The following FREM2 variants were observed in gnomAD, a reference collection of about 807,000 sequenced individuals.
The protein encoded by FREM2 is FRAS1 related extracellular matrix 2.
Under a neutral mutation model 219.9 loss-of-function variants are expected in FREM2, and 119 were observed. That is an observed-to-expected ratio of 0.54 (90% CI 0.47 to 0.63). The LOEUF is 0.63. Among genes scored for constraint, FREM2 ranks in the 30% least tolerant of loss-of-function variants. FREM2 has a pLI of 0.00. For synonymous variants in FREM2, 1,562 were observed against 1,522.8 expected (o/e 1.03, Z -0.60); for missense variants, 4,030 against 3,993.6 (o/e 1.01, Z -0.25).
intron 2 of FREM2, among the ~76,000 whole-genome samples, chr13:38,731,293 T>TA (rs1200167847): frequency 1.3e-5 from 2 of 152,196 alleles, no homozygotes; most frequent in Non-Finnish European, 2.9e-5. Flanking sequence ...GACAAAAACA[T>TA]ACAAAGTAAA....
At chr13:38,835,068 T>G (rs2137892811) in intron 6 of FREM2, among the ~76,000 whole-genome samples, 1 of 152,334 alleles carries the variant, frequency 6.6e-6, no homozygotes, top group African/African-American at 2.4e-5. Context: ...CCCCTAGGGT[T>G]TTTATGTCAT....
At chr13:38,880,031 G>T (rs1214188885) in intron 23 of FREM2, among the ~76,000 whole-genome samples, 1 of 152,090 alleles carries the variant, frequency 6.6e-6, no homozygotes, top group Non-Finnish European at 1.5e-5. Flanking sequence ...TCTATTAATA[G>T]TTCTTTAGAA....
intron 6 of FREM2, among the ~76,000 whole-genome samples, chr13:38,810,396 C>T (rs1038607008): frequency 3.3e-5 from 5 of 151,816 alleles, no homozygotes; most frequent in Non-Finnish European, 5.9e-5. Context: ...TTTCATGTGC[C>T]AGATCTCAGA....
At chr13:38,840,845 A>G (rs1876935791) in intron 6 of FREM2, among the ~76,000 whole-genome samples, 1 of 152,064 alleles carries the variant, frequency 6.6e-6, no homozygotes, top group Non-Finnish European at 1.5e-5. Context: ...GCACCCTAAT[A>G]CAAATGAATG....
At position 38,692,241 on chromosome 13, in the gene FREM2, G is replaced by A. The variant is rs776357642; in HGVS notation, c.4897G>A (p.Asp1633Asn). Reference sequence around the variant, plus strand: ...CCATACAGACTTCTATGTTTTTCCTGATACGGTGTTTGAAACAAGGAGACC... The same window carrying A: ...CCATACAGACTTCTATGTTTTTCCTAATACGGTGTTTGAAACAAGGAGACC... ...GTHTDFYVFP[D>N]TVFETRRPQV... Residue 1633 changes from aspartate (D) to asparagine (N), a missense_variant, in exon 1 of 24, where the codon GAT (aspartate) becomes AAT (asparagine). Asp to Asn is a conservative substitution (Grantham distance 23). Coordinates refer to ENST00000280481, the MANE Select transcript of FREM2 (RefSeq NM_207361.6). 1 of 1,614,148 alleles carries A rather than the reference G, an allele frequency of 6.2e-7. No individual in the cohort carries two copies. The highest frequency in any genetic ancestry group is 8.5e-7 in the Non-Finnish European group (1 of 1,180,032).
chr13:38,837,775 G>GTTTTTTTTTTTTTTTTTTTT (rs1555270912), intron 6 of FREM2, among the ~76,000 whole-genome samples: 3 of 128,842 alleles, frequency 2.3e-5, no homozygotes, highest in South Asian at 2.6e-4. Context: ...GTTTTTTTTT[G>GTTTTTTTTTTTTTTTTTTTT]TTTTGTTTTG....
intron 6 of FREM2, among the ~76,000 whole-genome samples, chr13:38,820,135 A>G (rs1875981897): frequency 6.6e-6 from 1 of 152,162 alleles, no homozygotes; most frequent in East Asian, 1.9e-4. Flanking sequence ...AAAGCTTATT[A>G]GTGCAGTCTC....
chr13:38,849,614 G>A (rs1197259328), intron 8 of FREM2, among the ~76,000 whole-genome samples: 2 of 152,212 alleles, frequency 1.3e-5, no homozygotes, highest in South Asian at 2.1e-4. Context: ...AATTAACCTA[G>A]CATAGGTGTC....
chr13:38,773,324 A>G (rs1026958662), intron 4 of FREM2, among the ~76,000 whole-genome samples: 4 of 152,060 alleles, frequency 2.6e-5, no homozygotes, highest in Non-Finnish European at 5.9e-5. Context: ...TCTGCGATCA[A>G]TAGAGCTGAC....
At chr13:38,771,553 G>A (rs965018149) in intron 4 of FREM2, among the ~76,000 whole-genome samples, 1 of 151,908 alleles carries the variant, frequency 6.6e-6, no homozygotes, top group East Asian at 1.9e-4. Flanking sequence ...AAACACATAC[G>A]CACACCCCAC....
At chr13:38,738,748 A>C (rs529079531) in intron 2 of FREM2, among the ~76,000 whole-genome samples, 1 of 152,200 alleles carries the variant, frequency 6.6e-6, no homozygotes, top group Admixed American at 6.5e-5. Flanking sequence ...AGACCAGCCT[A>C]TCTCTGAGCA....
rs989826096 is a variant in FREM2, at chr13:38,886,652, C to G, written c.*5865C>G. On this transcript the variant is annotated 3_prime_UTR_variant, in exon 24 of 24. Coordinates refer to ENST00000280481, the MANE Select transcript of FREM2 (RefSeq NM_207361.6). ...ACCTCAGATGATCCTCCCGCCTCCA[C>G]CTCCCAAAGTACTGGAATTACAATG... 4 of 152,166 alleles carry G rather than the reference C, an allele frequency of 2.6e-5. No homozygotes were observed. Among genetic ancestry groups the G allele is most frequent in the Non-Finnish European group, 5.9e-5 (4 of 68,030 alleles). 9.4% of individuals were successfully genotyped at this position (152,166 alleles called of 1,614,324 possible).
chr13:38,799,705 C>T (rs1213218094), intron 6 of FREM2, among the ~76,000 whole-genome samples: 1 of 151,890 alleles, frequency 6.6e-6, no homozygotes, highest in African/African-American at 2.4e-5. Flanking sequence ...ATCCCTTTAT[C>T]AATATATAGT....
Position 38,704,926 on chromosome 13 carries a change from T to G in FREM2, c.5263+7139T>G, listed in dbSNP as rs148406747. ...TCTCATGAGAACTCACTAGCTATCA[T>G]GAGAACCGCATGGGGGAACCGCCAC... On this transcript the variant is annotated intron_variant, in intron 2 of 23. Transcript: ENST00000280481. 1.5e-4 allele frequency among the ~76,000 whole-genome samples: 23 copies of G among 152,162 alleles called. No homozygotes were observed. In the East Asian group the frequency reaches 3.9e-3, roughly 26 times the overall value.
At chr13:38,861,797 A>G (rs1877772949) in intron 15 of FREM2, among the ~76,000 whole-genome samples, 1 of 152,256 alleles carries the variant, frequency 6.6e-6, no homozygotes, top group Non-Finnish European at 1.5e-5. Context: ...CAGACACGAT[A>G]AAACAAAACT....
chr13:38,758,080 A>C (rs944247073), intron 2 of FREM2, among the ~76,000 whole-genome samples: 2 of 152,178 alleles, frequency 1.3e-5, no homozygotes, highest in South Asian at 2.1e-4. Context: ...TGAAATTATC[A>C]AATAGTCTAA....
chr13:38,873,446 A>G (rs1032815440), intron 17 of FREM2, among the ~76,000 whole-genome samples: 2 of 152,182 alleles, frequency 1.3e-5, no homozygotes, highest in Non-Finnish European at 2.9e-5. Flanking sequence ...CTTTTTCTGA[A>G]TGATAGACAC....
intron 6 of FREM2, among the ~76,000 whole-genome samples, chr13:38,836,727 T>C (rs1258776122): frequency 6.6e-6 from 1 of 152,208 alleles, no homozygotes; most frequent in Non-Finnish European, 1.5e-5. Context: ...CTAGTTTATT[T>C]ATGTAGAGGT....
In FREM2 at chr13:38,864,413, C is replaced by T. The variant is rs1877880190; in HGVS notation, c.7790C>T (p.Thr2597Ile). ...TEVKTHYGFLTDATKNPEIIG... is the reference protein window; with the variant it reads ...TEVKTHYGFLIDATKNPEIIG... ...GTGAAGACTCATTATGGTTTCTTGA[C>T]TGATGCTACCAAAAATCCAGAAATA... is the stretch of plus-strand genomic sequence containing the variant. Residue 2597 changes from threonine to isoleucine, a missense_variant, in exon 16 of 24, where the codon ACT becomes ATT. Transcript: ENST00000280481. 1 of 1,614,186 alleles carries T rather than the reference C, an allele frequency of 6.2e-7. No homozygotes were observed. The highest frequency in any genetic ancestry group is 8.5e-7 in the Non-Finnish European group (1 of 1,180,012).
Sources: gnomAD v4.1 joint callset for allele counts (sites outside exome capture counted in the v4.1 genomes callset) on GRCh38, gnomAD v4.1.1 for gene constraint, MANE v1.5 for transcripts, NCBI Gene and HGNC (gene_info 2026-07-23, HGNC 2026-07-21) for gene names.